The following ERBB4 variants were observed in gnomAD, a reference collection of about 807,000 sequenced individuals.
ERBB4 encodes erb-b2 receptor tyrosine kinase 4.
Under a neutral mutation model 158.0 loss-of-function variants are expected in ERBB4, and 42 were observed. The observed-to-expected ratio is 0.27, with a 90% CI of 0.21 to 0.34. The LOEUF is 0.34. Ranked by LOEUF, ERBB4 falls within the 10% of genes least tolerant of loss-of-function variation. The pLI is 1.00. For synonymous variants in ERBB4, 583 were observed against 558.7 expected (o/e 1.04, Z -0.61); for missense variants, 1,333 against 1,624.1 (o/e 0.82, Z 3.08).
At chr2:211,461,325 G>T (rs2064524995) in intron 20 of ERBB4, among the ~76,000 whole-genome samples, 1 of 152,074 alleles carries the variant, frequency 6.6e-6, no homozygotes, top group Admixed American at 6.6e-5. Context: ...TGAGATGAAA[G>T]AAATCGGAGC....
chr2:211,579,516 C>T (rs61935010), intron 19 of ERBB4, among the ~76,000 whole-genome samples: 1 of 152,092 alleles, frequency 6.6e-6, no homozygotes. Context: ...GACCGCAGCA[C>T]TACTCACAAT....
chr2:211,806,995 G>A (rs960958852), intron 3 of ERBB4, among the ~76,000 whole-genome samples: 10 of 151,836 alleles, frequency 6.6e-5, no homozygotes, highest in East Asian at 1.9e-4. Context: ...CAACAAAAAC[G>A]TCAAGATTGA....
intron 9 of ERBB4, 85 bp from the exon 10 acceptor site, chr2:211,705,476 A>G (rs978856480): frequency 1.6e-5 from 15 of 949,788 alleles, no homozygotes; most frequent in Non-Finnish European, 2.1e-5. Flanking sequence ...TTTTATTCAA[A>G]TTTAATTTTA....
rs143820415 is a variant in ERBB4 at position 212,325,290 on chromosome 2, GA to G, written c.83-200388del. Among the ~76,000 whole-genome samples the G allele has an allele frequency of 5.4e-3, 812 of 150,604 alleles. 13 individuals carry two copies. The highest frequency in any genetic ancestry group is 0.017 in the African/African-American group (723 of 41,382). On this transcript the variant is annotated intron_variant, in intron 1 of 27. Coordinates refer to ENST00000342788, the MANE Select transcript of ERBB4 (RefSeq NM_005235.3). ...AACGTAATTTGTAGATTTTAAATCT[GA>G]AAAACATTCTCATATGCACTATAAA...
chr2:211,718,050 T>C (rs1423950788), intron 7 of ERBB4, among the ~76,000 whole-genome samples: 1 of 152,042 alleles, frequency 6.6e-6, no homozygotes, highest in Non-Finnish European at 1.5e-5. Flanking sequence ...TAGCTGGGAT[T>C]ACAGGTGTGT....
intron 1 of ERBB4, among the ~76,000 whole-genome samples, chr2:212,458,092 C>A (rs1038250534): frequency 1.3e-5 from 2 of 151,964 alleles, no homozygotes; most frequent in African/African-American, 4.8e-5. Context: ...TAAAATAATT[C>A]ATGTCAACAA....
At chr2:211,624,831 T>G (rs931097790) in intron 17 of ERBB4, among the ~76,000 whole-genome samples, 1 of 152,040 alleles carries the variant, frequency 6.6e-6, no homozygotes, top group Non-Finnish European at 1.5e-5. Flanking sequence ...AAAAGCTGCT[T>G]GGGCACAGCA....
intron 1 of ERBB4, among the ~76,000 whole-genome samples, chr2:212,287,100 A>G (rs555957111): frequency 6.6e-6 from 1 of 152,076 alleles, no homozygotes; most frequent in East Asian, 1.9e-4. Flanking sequence ...ATCAGCATGT[A>G]GCCCCCTCCA....
chr2:212,083,356 A>G (rs533030407), intron 2 of ERBB4, among the ~76,000 whole-genome samples: 15 of 152,098 alleles, frequency 9.9e-5, no homozygotes, highest in East Asian at 9.7e-4. Flanking sequence ...ACAAGGGGTA[A>G]TGATAAATGG....
At chr2:211,584,777 T>C (rs968346686) in intron 19 of ERBB4, among the ~76,000 whole-genome samples, 2 of 151,776 alleles carry the variant, frequency 1.3e-5, no homozygotes, top group African/African-American at 4.8e-5. Flanking sequence ...AAAATATATG[T>C]ATATGTGTAT....
At chr2:212,298,752 T>C (rs10445812) in intron 1 of ERBB4, among the ~76,000 whole-genome samples, 89,096 of 151,566 alleles carry the variant, frequency 0.59, 29,056 homozygotes, top group East Asian at 0.84. Flanking sequence ...CAAGATACAA[T>C]GAAATCAGAC....
chr2:211,891,646 T>A (rs2078971924), intron 3 of ERBB4, among the ~76,000 whole-genome samples: 1 of 108,136 alleles, frequency 9.2e-6, no homozygotes, highest in Non-Finnish European at 1.9e-5. Flanking sequence ...TCAACAAAAT[T>A]GATAGACCAC....
In ERBB4 at chr2:212,327,103, G is replaced by C. The variant is rs541077327; in HGVS notation, c.83-202200C>G. On this transcript the variant is annotated intron_variant, in intron 1 of 27. Coordinates refer to ENST00000342788, the MANE Select transcript of ERBB4 (RefSeq NM_005235.3). ...CTGATGATACCACCACCTGCTTCATGAAGTTTTTGAGACGATTAAATGAGT... is the reference window on the plus strand; with the variant it reads ...CTGATGATACCACCACCTGCTTCATCAAGTTTTTGAGACGATTAAATGAGT... Among the ~76,000 whole-genome samples, 8 of 150,714 alleles carry C rather than the reference G, an allele frequency of 5.3e-5. 1 individual carries two copies. The highest frequency in any genetic ancestry group is 7.4e-5 in the Non-Finnish European group (5 of 67,168).
At chr2:211,583,051 A>G (rs1485428508) in intron 19 of ERBB4, among the ~76,000 whole-genome samples, 1 of 152,116 alleles carries the variant, frequency 6.6e-6, no homozygotes, top group Non-Finnish European at 1.5e-5. Context: ...ATATTTAAAT[A>G]CTTCATTCAG....
At chr2:211,389,433 A>G (rs2062756006) in intron 25 of ERBB4, among the ~76,000 whole-genome samples, 1 of 152,228 alleles carries the variant, frequency 6.6e-6, no homozygotes, top group Non-Finnish European at 1.5e-5. Flanking sequence ...GTTTAAAGTA[A>G]GTCAATAACA....
chr2:212,521,123 A>G (rs1360504687), intron 1 of ERBB4, among the ~76,000 whole-genome samples: 1 of 151,976 alleles, frequency 6.6e-6, no homozygotes, highest in Non-Finnish European at 1.5e-5. Context: ...TGAAGTTTAA[A>G]TGCCTATAAA....
intron 5 of ERBB4, among the ~76,000 whole-genome samples, chr2:211,731,810 T>A (rs1312757551): frequency 6.6e-6 from 1 of 152,104 alleles, no homozygotes; most frequent in African/African-American, 2.4e-5. Context: ...TTACAGAGCA[T>A]GTGTAAAAAA....
At chr2:212,024,097 C>T (rs971363273) in intron 2 of ERBB4, among the ~76,000 whole-genome samples, 3 of 151,944 alleles carry the variant, frequency 2.0e-5, no homozygotes, top group Non-Finnish European at 2.9e-5. Flanking sequence ...CAGGCAGACA[C>T]AATCTCGATA....
chr2:212,461,718 G>A (rs1688585511), intron 1 of ERBB4, among the ~76,000 whole-genome samples: 1 of 152,072 alleles, frequency 6.6e-6, no homozygotes, highest in South Asian at 2.1e-4. Context: ...AGGGCAGAAC[G>A]ATATAGTTTG....
Sources: gnomAD v4.1 joint callset for allele counts (sites outside exome capture counted in the v4.1 genomes callset) on GRCh38, gnomAD v4.1.1 for gene constraint, MANE v1.5 for transcripts, NCBI Gene and HGNC (gene_info 2026-07-23, HGNC 2026-07-21) for gene names.